The following HMGA2 variants were observed in gnomAD, a reference collection of about 807,000 sequenced individuals.
The protein encoded by HMGA2 is high mobility group AT-hook 2, also known as high mobility group protein HMGI-C.
A neutral mutation model predicts 19.1 loss-of-function variants in HMGA2; 8 were observed. The observed-to-expected ratio is 0.42, with a 90% CI of 0.25 to 0.76. The LOEUF (loss-of-function observed/expected upper bound fraction) is 0.76. HMGA2 is among the 30% of genes least tolerant of loss of function. HMGA2 has a pLI of 0.28. For missense variants in HMGA2, 109 were observed against 136.3 expected (o/e 0.80, Z 1.00); for synonymous variants, 60 against 48.8 (o/e 1.23, Z -0.96).
At chr12:65,948,799 A>C (rs1385662362) in intron 3 of HMGA2, among the ~76,000 whole-genome samples, 1 of 152,220 alleles carries the variant, frequency 6.6e-6, no homozygotes, top group Non-Finnish European at 1.5e-5. Flanking sequence ...CTTTCCCCTC[A>C]TTGAAGTGTC....
intron 3 of HMGA2, among the ~76,000 whole-genome samples, chr12:65,933,740 T>C (rs1592454845): frequency 6.6e-6 from 1 of 152,160 alleles, no homozygotes; most frequent in East Asian, 1.9e-4. Context: ...TTTTAAACAC[T>C]GGTATGCACT....
At chr12:65,900,348 A>G (rs1874320995) in intron 3 of HMGA2, among the ~76,000 whole-genome samples, 1 of 152,240 alleles carries the variant, frequency 6.6e-6, no homozygotes, top group South Asian at 2.1e-4. Context: ...TACTATTCCA[A>G]GGAGCTTGTT....
intron 3 of HMGA2, among the ~76,000 whole-genome samples, chr12:65,910,139 C>T (rs1874782271): frequency 6.6e-6 from 1 of 152,154 alleles, no homozygotes; most frequent in African/African-American, 2.4e-5. Context: ...TCCTGTCCAC[C>T]TCCCCTCTTT....
At chr12:65,953,924 C>T (rs978246998) in intron 4 of HMGA2, 16 of 152,214 alleles carry the variant, frequency 1.1e-4, no homozygotes, top group African/African-American at 3.6e-4. Flanking sequence ...TCTGGATTAA[C>T]TCAGCCTCAT....
chr12:65,925,202 G>A (rs1230823116), intron 3 of HMGA2, among the ~76,000 whole-genome samples: 3 of 152,126 alleles, frequency 2.0e-5, no homozygotes, highest in Non-Finnish European at 2.9e-5. Flanking sequence ...AAGTAAAGAT[G>A]CTACATTTTA....
chr12:65,835,536 C>T (rs545766384), intron 2 of HMGA2, among the ~76,000 whole-genome samples: 5 of 152,076 alleles, frequency 3.3e-5, no homozygotes, highest in African/African-American at 9.7e-5. Flanking sequence ...TTAACAAGTC[C>T]GAGTGATAAT....
chr12:65,945,743 T>C (rs1306732826), intron 3 of HMGA2, among the ~76,000 whole-genome samples: 2 of 152,236 alleles, frequency 1.3e-5, no homozygotes, highest in Non-Finnish European at 2.9e-5. Flanking sequence ...TTGAGCTGTG[T>C]CTACTTATTC....
chr12:65,905,272 T>G (rs987462300), intron 3 of HMGA2, among the ~76,000 whole-genome samples: 2 of 152,010 alleles, frequency 1.3e-5, no homozygotes, highest in African/African-American at 4.8e-5. Flanking sequence ...ATTGATATAG[T>G]CAGTTAAACC....
chr12:65,900,526 T>G (rs1007694491), intron 3 of HMGA2, among the ~76,000 whole-genome samples: 14 of 152,164 alleles, frequency 9.2e-5, no homozygotes, highest in Non-Finnish European at 1.8e-4. Context: ...GTTTTCCTCT[T>G]AGTAGCCACA....
intron 3 of HMGA2, among the ~76,000 whole-genome samples, chr12:65,911,165 A>G (rs138891050): frequency 7.2e-5 from 11 of 152,334 alleles, no homozygotes; most frequent in African/African-American, 2.6e-4. Context: ...ATCCAACTCA[A>G]TTGGTATACT....
In HMGA2 at chr12:65,833,531, C is replaced by T. The variant is rs531398918; in HGVS notation, c.199-4988C>T. Among the ~76,000 whole-genome samples the T allele has an allele frequency of 5.4e-4, 82 of 151,922 alleles. 1 individual carries two copies. The South Asian group carries it at 8.1e-3, about 15-fold the overall frequency. ...TGTAATAGCAAAAAATTAATAGCCA[C>T]CTAAACCTGACCCTGAAGTCAGAAT... On this transcript the variant is annotated intron_variant, in intron 2 of 4. Transcript: ENST00000403681.
At chr12:65,914,633 T>G (rs1403966662) in intron 3 of HMGA2, 3 of 283,922 alleles carry the variant, frequency 1.1e-5, no homozygotes, top group Admixed American at 9.3e-5. Context: ...CCCTAAAACT[T>G]AAAGTATAAT....
At chr12:65,908,708 T>A (rs1236812680) in intron 3 of HMGA2, among the ~76,000 whole-genome samples, 1 of 152,230 alleles carries the variant, frequency 6.6e-6, no homozygotes, top group Non-Finnish European at 1.5e-5. Context: ...AATAGATGCC[T>A]ATGTTTTTAA....
At chr12:65,857,516 CA>C (rs1334417356) in intron 3 of HMGA2, 1 of 152,046 alleles carries the variant, frequency 6.6e-6, no homozygotes, top group African/African-American at 2.4e-5. Context: ...ATTTTTAAAC[CA>C]AAATTTAAAA....
chr12:65,923,297 T>C (rs766791430), intron 3 of HMGA2, among the ~76,000 whole-genome samples: 2 of 152,180 alleles, frequency 1.3e-5, no homozygotes, highest in Non-Finnish European at 2.9e-5. Flanking sequence ...TCTGGGTCCT[T>C]TCCCACTCCC....
intron 3 of HMGA2, chr12:65,843,665 TAC>T (rs35271921): frequency 0.18 from 26,400 of 145,844 alleles, 3,153 homozygotes; most frequent in African/African-American, 0.35. Context: ...GTTTGCTACT[TAC>T]ACACACACAC....
intron 3 of HMGA2, among the ~76,000 whole-genome samples, chr12:65,930,176 G>A (rs1875657968): frequency 6.6e-6 from 1 of 152,150 alleles, no homozygotes; most frequent in Admixed American, 6.5e-5. Flanking sequence ...CTTCTTTCCT[G>A]TGAGCTAGAC....
intron 3 of HMGA2, among the ~76,000 whole-genome samples, chr12:65,865,633 CTT>C (rs952845162): frequency 1.1e-4 from 14 of 131,784 alleles, no homozygotes; most frequent in South Asian, 2.5e-4. Flanking sequence ...ATCTATTTTT[CTT>C]TTTTTTTTTT....
intron 4 of HMGA2, among the ~76,000 whole-genome samples, chr12:65,960,038 C>T (rs560222943): frequency 1.3e-5 from 2 of 152,188 alleles, no homozygotes; most frequent in African/African-American, 2.4e-5. Context: ...TTCAGGTGCC[C>T]GCCACCACGC....
Sources: allele counts gnomAD v4.1 joint callset (sites outside exome capture counted in the v4.1 genomes callset), GRCh38; gene constraint gnomAD v4.1.1; transcripts MANE v1.5; gene names NCBI Gene and HGNC (gene_info 2026-07-23, HGNC 2026-07-21).